The following CLIC4 variants were observed in gnomAD, a reference collection of about 807,000 sequenced individuals.
CLIC4 encodes CLIC family member 4.
In CLIC4, 13 loss-of-function variants were observed where a neutral mutation model predicts 24.6. The ratio of observed to expected loss-of-function variants is 0.53; its 90% CI spans 0.34 to 0.84. The LOEUF is 0.84. Ranked by LOEUF, CLIC4 falls within the 40% of genes least tolerant of loss-of-function variation. The probability of loss-of-function intolerance (pLI) is 0.01; values close to 1 mark genes in which losing one functional copy is unlikely to be tolerated. For synonymous variants in CLIC4, 104 were observed against 111.3 expected (o/e 0.93, Z 0.41); for missense variants, 227 against 301.7 (o/e 0.75, Z 1.83).
chr1:24,798,147 T>C (rs1639425435), intron 2 of CLIC4, among the ~76,000 whole-genome samples: 1 of 152,202 alleles, frequency 6.6e-6, no homozygotes, highest in Admixed American at 6.5e-5. Flanking sequence ...TTTTTTCCAG[T>C]GTAAACATGG....
intron 2 of CLIC4, among the ~76,000 whole-genome samples, chr1:24,811,428 TA>T (rs1205772087): frequency 6.6e-6 from 1 of 152,196 alleles, no homozygotes; most frequent in Non-Finnish European, 1.5e-5. Context: ...TCTCCTGGCT[TA>T]CAATTTGAGA....
At chr1:24,809,437 T>C (rs1639589612) in intron 2 of CLIC4, among the ~76,000 whole-genome samples, 1 of 152,148 alleles carries the variant, frequency 6.6e-6, no homozygotes, top group Non-Finnish European at 1.5e-5. Flanking sequence ...TCTTGAAAAT[T>C]CTGATGACGA....
chr1:24,837,046 G>A (rs187929743), intron 4 of CLIC4, among the ~76,000 whole-genome samples: 4 of 152,188 alleles, frequency 2.6e-5, no homozygotes, highest in Admixed American at 2.6e-4. Flanking sequence ...GCTAAATATT[G>A]GTGAAGTAAA....
chr1:24,781,704 G>T (rs1406066735), intron 1 of CLIC4, among the ~76,000 whole-genome samples: 1 of 150,028 alleles, frequency 6.7e-6, no homozygotes, highest in Admixed American at 6.7e-5. Flanking sequence ...GTCTCGCACT[G>T]TTGCACAGGC....
chr1:24,840,860 G>T lies in CLIC4; in HGVS notation c.685G>T (p.Glu229Ter), dbSNP rs372397099. Reference sequence around the variant, plus strand: ...CCTAACTAATGCATACAGTAGGGACGAGTTCACCAATACCTGTCCCAGTGA... The same window carrying T: ...CCTAACTAATGCATACAGTAGGGACTAGTTCACCAATACCTGTCCCAGTGA... ...RYLTNAYSRD[E>*]FTNTCPSDKE... is the part of the protein sequence containing the mutation. The change falls in exon 6 of 6, where the codon GAG becomes TAG. Residue 229 changes from glutamate (E) to a stop codon, truncating the protein, a stop_gained. Coordinates refer to ENST00000374379, the MANE Select transcript of CLIC4 (RefSeq NM_013943.3). LOFTEE classifies it high-confidence loss of function. The T allele has an allele frequency of 1.2e-6, 2 of 1,612,494 alleles. No individual in the cohort carries two copies. The highest frequency in any genetic ancestry group is 2.7e-5 in the African/African-American group (2 of 74,812).
chr1:24,818,967 T>C (rs1639699199), intron 3 of CLIC4, among the ~76,000 whole-genome samples: 1 of 151,964 alleles, frequency 6.6e-6, no homozygotes, highest in Non-Finnish European at 1.5e-5. Flanking sequence ...ATTAATATTA[T>C]ATGTATATTT....
intron 1 of CLIC4, among the ~76,000 whole-genome samples, chr1:24,759,218 T>C (rs979987959): frequency 1.3e-5 from 2 of 152,238 alleles, no homozygotes; most frequent in Non-Finnish European, 1.5e-5. Context: ...ATGTCCATTT[T>C]ATAGTTCAAG....
At chr1:24,786,862 C>G (rs1639273807) in intron 1 of CLIC4, among the ~76,000 whole-genome samples, 1 of 151,978 alleles carries the variant, frequency 6.6e-6, no homozygotes, top group South Asian at 2.1e-4. Context: ...TCGTGATCCG[C>G]CCGCCTTGGC....
intron 1 of CLIC4, among the ~76,000 whole-genome samples, chr1:24,756,595 T>C (rs1638852891): frequency 6.6e-6 from 1 of 152,230 alleles, no homozygotes. Context: ...TTGTAATAAC[T>C]TAAGTATTGA....
chr1:24,805,940 A>G (rs1420131514), intron 2 of CLIC4, among the ~76,000 whole-genome samples: 1 of 152,216 alleles, frequency 6.6e-6, no homozygotes, highest in Non-Finnish European at 1.5e-5. Context: ...GGGAAACAAC[A>G]GAATAATTTA....
chr1:24,835,666 A>G (rs923091458), intron 4 of CLIC4, among the ~76,000 whole-genome samples: 1 of 152,232 alleles, frequency 6.6e-6, no homozygotes, highest in Admixed American at 6.5e-5. Context: ...AGGTCTTTGC[A>G]TTATCCTGGA....
chr1:24,839,219 T>C (rs1639914737), intron 4 of CLIC4, among the ~76,000 whole-genome samples: 1 of 152,232 alleles, frequency 6.6e-6, no homozygotes, highest in African/African-American at 2.4e-5. Context: ...TGAATTAATA[T>C]GCTTGCCTTT....
Position 24,797,864 on chromosome 1 carries a change from C to A in CLIC4, c.182+13C>A. ...TTGACCTGAAAAGGTAAGACATGGT[C>A]GCAGTTTGCAATCAACTTAAGCTGA... On this transcript the variant is annotated intron_variant, in intron 2 of 5. Coordinates refer to ENST00000374379, the MANE Select transcript of CLIC4 (RefSeq NM_013943.3). 1 of 1,569,928 alleles carries A rather than the reference C, an allele frequency of 6.4e-7. No homozygotes were observed. The highest frequency in any genetic ancestry group is 8.7e-7 in the Non-Finnish European group (1 of 1,143,918).
intron 1 of CLIC4, among the ~76,000 whole-genome samples, chr1:24,795,570 G>T (rs1335542597): frequency 6.6e-6 from 1 of 151,964 alleles, no homozygotes; most frequent in African/African-American, 2.4e-5. Context: ...CAGGATATAG[G>T]ATATTTATTT....
chr1:24,811,365 T>C (rs1305892939), intron 2 of CLIC4, among the ~76,000 whole-genome samples: 3 of 152,194 alleles, frequency 2.0e-5, no homozygotes, highest in Non-Finnish European at 4.4e-5. Flanking sequence ...AGGCAAATGA[T>C]GCCTTAGTAT....
chr1:24,765,444 A>G (rs1384859360), intron 1 of CLIC4, among the ~76,000 whole-genome samples: 1 of 152,230 alleles, frequency 6.6e-6, no homozygotes, highest in Non-Finnish European at 1.5e-5. Context: ...ACAAGAAGCC[A>G]GAGAAATAGG....
intron 1 of CLIC4, among the ~76,000 whole-genome samples, chr1:24,755,071 C>CA (rs35295371): frequency 0.29 from 33,118 of 112,484 alleles, 4,465 homozygotes; most frequent in Admixed American, 0.4. Flanking sequence ...GACTCCGTCT[C>CA]AAAAAAAAAA....
At chr1:24,786,869 T>C (rs974589150) in intron 1 of CLIC4, among the ~76,000 whole-genome samples, 5 of 151,948 alleles carry the variant, frequency 3.3e-5, no homozygotes, top group Non-Finnish European at 7.4e-5. Context: ...CCGCCCGCCT[T>C]GGCCTCCCAA....
At chr1:24,757,747 T>C (rs982380845) in intron 1 of CLIC4, among the ~76,000 whole-genome samples, 11 of 152,182 alleles carry the variant, frequency 7.2e-5, no homozygotes, top group Non-Finnish European at 1.6e-4. Flanking sequence ...AATTTTTTTC[T>C]TTTTCTTCCC....
Sources: gnomAD v4.1 joint callset for allele counts (sites outside exome capture counted in the v4.1 genomes callset) on GRCh38, gnomAD v4.1.1 for gene constraint, MANE v1.5 for transcripts, NCBI Gene and HGNC (gene_info 2026-07-23, HGNC 2026-07-21) for gene names.